KCNQ1: variants seen among roughly 807,000 people sequenced by gnomAD.
KCNQ1 encodes potassium voltage-gated channel subfamily KQT member 1.
Under a neutral mutation model 72.4 loss-of-function variants are expected in KCNQ1, and 49 were observed. The ratio of observed to expected loss-of-function variants is 0.68; its 90% confidence interval spans 0.54 to 0.86. The LOEUF (loss-of-function observed/expected upper bound fraction) is 0.86, where lower values mean the gene tolerates loss of function less well. Ranked by LOEUF, KCNQ1 falls within the 40% of genes least tolerant of loss-of-function variation. The pLI is 0.00. For missense variants in KCNQ1, 790 were observed against 945.1 expected, an observed-to-expected ratio of 0.84 and a Z score of 2.15; for synonymous variants, 450 against 412.6, an observed-to-expected ratio of 1.09 and a Z score of -1.10.
At position 2,626,288 on chromosome 11, in the gene KCNQ1, C is replaced by T. The variant is rs1849261193; in HGVS notation, c.1394-35673C>T. The T allele has an allele frequency of 2.5e-6, 1 of 398,362 alleles. No individual in the cohort carries two copies. 24.7% of individuals were successfully genotyped at this position (398,362 alleles called of 1,614,324 possible). A position where few individuals can be genotyped will look rare whatever the true frequency, so the allele number is the denominator to read the frequency against. ...ATACATGGTTAGGTAAGGATCTCAA[C>T]TTCATTCTCTTGAGTTAATTTTTGT... On this transcript the variant is annotated intron_variant, in intron 10 of 15. Transcript: ENST00000155840. This position sits in a 1 kb window ranked among gnomAD's most constrained non-coding sequence, Gnocchi z 4.0.
intron 2 of KCNQ1, among the ~76,000 whole-genome samples, chr11:2,569,881 C>T (rs996700057): frequency 6.6e-6 from 1 of 152,296 alleles, no homozygotes. Context: ...GATCCAGCTC[C>T]GAGGGTCTTC....
chr11:2,627,300 A>ATGTGTG lies in KCNQ1; in HGVS notation c.1394-34658_1394-34653dup, dbSNP rs1020232788. Reference sequence around the variant, plus strand: ...TTAACATATACCTTACATAGTTGCCATGTGTGTGCGTGTGTGTGGTCAGAA... The same window carrying ATGTGTG: ...TTAACATATACCTTACATAGTTGCCATGTGTGTGTGTGTGCGTGTGTGTGGTCAGAA... On this transcript the variant is annotated intron_variant, in intron 10 of 15. Coordinates refer to ENST00000155840, the MANE Select transcript of KCNQ1 (RefSeq NM_000218.3). This position sits in a 1 kb window ranked among gnomAD's most constrained non-coding sequence, Gnocchi z 4.9. 1 of 398,404 alleles carries ATGTGTG rather than the reference A, an allele frequency of 2.5e-6. No individual in the cohort carries two copies. The highest frequency in any genetic ancestry group is 4.4e-6 in the Non-Finnish European group (1 of 226,042). The allele number at this position is 398,404 out of a possible 1,614,324, so 24.7% of individuals were successfully genotyped here.
At chr11:2,625,430 TA>T (rs761872365) in intron 10 of KCNQ1, 8 of 398,522 alleles carry the variant, frequency 2.0e-5, no homozygotes, top group Non-Finnish European at 3.1e-5. Context: ...AGGCTGTGTT[TA>T]TTTTTTTAAT....
At chr11:2,553,230 A>G (rs1481302265) in intron 2 of KCNQ1, among the ~76,000 whole-genome samples, 1 of 151,308 alleles carries the variant, frequency 6.6e-6, no homozygotes, top group Non-Finnish European at 1.5e-5. Flanking sequence ...GTTGTCCACA[A>G]TTAAGTCAGT....
At position 2,847,983 on chromosome 11, in the gene KCNQ1, G is replaced by A. The variant is rs764563996; in HGVS notation, c.2011G>A (p.Gly671Ser). ...TYEQLTVPRR[G>S]PDEGS ...CGAGCAGCTGACCGTGCCCAGGAGG[G>A]GCCCCGATGAGGGGTCCTGAGGAGG... Residue 671 changes from glycine to serine, a missense_variant, in exon 16 of 16, where the codon GGC (glycine) becomes AGC (serine). Coordinates refer to ENST00000155840, the MANE Select transcript of KCNQ1 (RefSeq NM_000218.3). 6.5e-7 allele frequency: 1 copy of A among 1,549,794 alleles called. No homozygotes were observed. Among genetic ancestry groups the A allele is most frequent in the South Asian group, 1.2e-5 (1 of 83,742 alleles).
In KCNQ1 at chr11:2,784,263, C is replaced by T. The variant is rs777449110; in HGVS notation, c.1794+6226C>T. Among the ~76,000 whole-genome samples, 7 of 151,866 alleles carry T rather than the reference C, an allele frequency of 4.6e-5. No individual in the cohort carries two copies. The highest frequency in any genetic ancestry group is 1.5e-5 in the Non-Finnish European group (1 of 67,808). ...TGCCCCAGAACATTTGTTGAAAATA[C>T]CCCATTTCCTCCTTTGAATTATCAT... On this transcript the variant is annotated intron_variant, in intron 15 of 15. Coordinates refer to ENST00000155840, the MANE Select transcript of KCNQ1 (RefSeq NM_000218.3). The surrounding 1 kb of genome is among the most constrained non-coding windows in gnomAD (Gnocchi z 4.7).
chr11:2,729,998 G>A (rs1184751627), intron 11 of KCNQ1, among the ~76,000 whole-genome samples: 1 of 152,186 alleles, frequency 6.6e-6, no homozygotes, highest in East Asian at 1.9e-4. Context: ...GTGGGGATGG[G>A]CCCACAGGCT....
rs1025220936 is a variant in KCNQ1 at position 2,818,157 on chromosome 11, C to T, written c.1795-29610C>T. Among the ~76,000 whole-genome samples the T allele has an allele frequency of 3.9e-5, 6 of 152,176 alleles. No individual in the cohort carries two copies. The highest frequency in any genetic ancestry group is 2.1e-4 in the South Asian group (1 of 4,830). On this transcript the variant is annotated intron_variant, in intron 15 of 15. Coordinates refer to ENST00000155840, the MANE Select transcript of KCNQ1 (RefSeq NM_000218.3). The surrounding 1 kb of genome is among the most constrained non-coding windows in gnomAD (Gnocchi z 7.2). ...TGTCTGCTGGCCCTCAGAGTGGGAGCGCGTGCCCCAACTTCCGAGCCCTAG... is the reference window on the plus strand; with the variant it reads ...TGTCTGCTGGCCCTCAGAGTGGGAGTGCGTGCCCCAACTTCCGAGCCCTAG...
Position 2,621,119 on chromosome 11 carries a change from A to G in KCNQ1, c.1393+32265A>G. ...CAGACTCCTGAGTAGCTGGGATTAC[A>G]GGTGACCGCCACCATACCTGGCTAA... is the stretch of plus-strand genomic sequence containing the variant. On this transcript the variant is annotated intron_variant, in intron 10 of 15. Transcript: ENST00000155840. This position sits in a 1 kb window ranked among gnomAD's most constrained non-coding sequence, Gnocchi z 5.7. 1 of 397,174 alleles carries G rather than the reference A, an allele frequency of 2.5e-6. No homozygotes were observed. The highest frequency in any genetic ancestry group is 4.4e-6 in the Non-Finnish European group (1 of 225,736). The allele number at this position is 397,174 out of a possible 1,614,324, so 24.6% of individuals were successfully genotyped here.
chr11:2,473,826 G>A lies in KCNQ1; in HGVS notation c.386+28342G>A, dbSNP rs974230977. On this transcript the variant is annotated intron_variant, in intron 1 of 15. Transcript: ENST00000155840. The surrounding 1 kb of genome is among the most constrained non-coding windows in gnomAD (Gnocchi z 6.0). ...CGCTGGCCAGGGTGGCCATTGCTCAGTGGCACCAGCTGGGCAGACAGCCGC... is the reference window on the plus strand; with the variant it reads ...CGCTGGCCAGGGTGGCCATTGCTCAATGGCACCAGCTGGGCAGACAGCCGC... Among the ~76,000 whole-genome samples, 12 of 152,250 alleles carry A rather than the reference G, an allele frequency of 7.9e-5. No homozygotes were observed. The highest frequency in any genetic ancestry group is 1.2e-4 in the Non-Finnish European group (8 of 68,036).
chr11:2,456,955 A>AC lies in KCNQ1; in HGVS notation c.386+11471_386+11472insC, dbSNP rs1448377460. ...CTCGGTCTCAAAAAAAAAAAAAAAA[A>AC]AAAAAAAAAACCCAAAAAAACAAAA... On this transcript the variant is annotated intron_variant, in intron 1 of 15. Coordinates refer to ENST00000155840, the MANE Select transcript of KCNQ1 (RefSeq NM_000218.3). Among the ~76,000 whole-genome samples the AC allele has an allele frequency of 2.1e-3, 225 of 107,904 alleles. 21 individuals carry two copies. The highest frequency in any genetic ancestry group is 5.7e-3 in the African/African-American group (121 of 21,390). The allele number at this position is 107,904 out of a possible 152,430, so 70.8% of individuals were successfully genotyped here. A position where few individuals can be genotyped will look rare whatever the true frequency, so the allele number is the denominator to read the frequency against.
chr11:2,556,927 T>C (rs1848081292), intron 2 of KCNQ1, among the ~76,000 whole-genome samples: 2 of 152,274 alleles, frequency 1.3e-5, no homozygotes, highest in South Asian at 2.1e-4. Flanking sequence ...CAGAGTCAAA[T>C]AGCAAATATA....
At chr11:2,758,747 A>G (rs1233180140) in intron 11 of KCNQ1, among the ~76,000 whole-genome samples, 1 of 152,212 alleles carries the variant, frequency 6.6e-6, no homozygotes, top group African/African-American at 2.4e-5. Context: ...TATCGGTACA[A>G]CCTAAGCGGA....
chr11:2,698,338 T>TA lies in KCNQ1; in HGVS notation c.1514+36258dup, dbSNP rs1590039270. ...GAACAGTGCTGTGGGAAGGCACTCTTACTCTCAATTTTATATAAAAGGCTA... is the reference window on the plus strand; with the variant it reads ...GAACAGTGCTGTGGGAAGGCACTCTTAACTCTCAATTTTATATAAAAGGCTA... On this transcript the variant is annotated intron_variant, in intron 11 of 15. Transcript: ENST00000155840. The surrounding 1 kb of genome is among the most constrained non-coding windows in gnomAD (Gnocchi z 5.1). 3 of 398,622 alleles carry TA rather than the reference T, an allele frequency of 7.5e-6. No individual in the cohort carries two copies. In the East Asian group the frequency reaches 1.1e-4, roughly 14 times the overall value. The allele number at this position is 398,622 out of a possible 1,614,324, so 24.7% of individuals were successfully genotyped here.
chr11:2,620,323 TCTCCTGCCTCAGCCTC>T lies in KCNQ1; in HGVS notation c.1393+31472_1393+31487del, dbSNP rs1849148211. On this transcript the variant is annotated intron_variant, in intron 10 of 15. Transcript: ENST00000155840. The surrounding 1 kb of genome is among the most constrained non-coding windows in gnomAD (Gnocchi z 4.5). ...CCTCCGCCTACCGGGTTCAAGTGAT[TCTCCTGCCTCAGCCTC>T]CTGAGTAGCTGGGATTAGAGGCATG... is the stretch of plus-strand genomic sequence containing the variant. 2.0e-5 allele frequency: 4 copies of T among 203,200 alleles called. No individual in the cohort carries two copies. In the Admixed American group the frequency reaches 2.4e-4, roughly 12 times the overall value. The allele number at this position is 203,200 out of a possible 1,614,324, so 12.6% of individuals were successfully genotyped here. A position where few individuals can be genotyped will look rare whatever the true frequency, so the allele number is the denominator to read the frequency against.
In KCNQ1 at chr11:2,824,792, C is replaced by T. The variant is rs1484574529; in HGVS notation, c.1795-22975C>T. ...GGAACGTCCCCTGGGTTCCACACCA[C>T]AGAGCCATAGAATTCTGTACTTGGC... On this transcript the variant is annotated intron_variant, in intron 15 of 15. Transcript: ENST00000155840. This position sits in a 1 kb window ranked among gnomAD's most constrained non-coding sequence, Gnocchi z 5.9. Among the ~76,000 whole-genome samples, 5 of 152,150 alleles carry T rather than the reference C, an allele frequency of 3.3e-5. No homozygotes were observed. Among genetic ancestry groups the T allele is most frequent in the African/African-American group, 1.2e-4 (5 of 41,440 alleles).
intron 15 of KCNQ1, among the ~76,000 whole-genome samples, chr11:2,795,152 C>T (rs1050839206): frequency 2.6e-5 from 4 of 152,248 alleles, no homozygotes; most frequent in Non-Finnish European, 2.9e-5. Context: ...CTTGACCTTC[C>T]GCTGCGTCAG....
In KCNQ1 at chr11:2,687,005, G is replaced by T; in HGVS notation, c.1514+24924G>T. 1 of 398,648 alleles carries T rather than the reference G, an allele frequency of 2.5e-6. No individual in the cohort carries two copies. Among genetic ancestry groups the T allele is most frequent in the Non-Finnish European group, 4.4e-6 (1 of 226,072 alleles). The allele number at this position is 398,648 out of a possible 1,614,324, so 24.7% of individuals were successfully genotyped here. ...ACACTGGGCCCTGACTTGCTAAGAT[G>T]GGAGCAAGAGCTTAGGGCTAAAACT... is the stretch of plus-strand genomic sequence containing the variant. On this transcript the variant is annotated intron_variant, in intron 11 of 15. Coordinates refer to ENST00000155840, the MANE Select transcript of KCNQ1 (RefSeq NM_000218.3). The surrounding 1 kb of genome is among the most constrained non-coding windows in gnomAD (Gnocchi z 5.0).
At chr11:2,461,976 C>T (rs994731299) in intron 1 of KCNQ1, 52 of 365,608 alleles carry the variant, frequency 1.4e-4, no homozygotes, top group Non-Finnish European at 2.6e-4. Flanking sequence ...GAGGGCCTCT[C>T]GGTGAGTGTG....
Sources: gnomAD v4.1 joint callset for allele counts (sites outside exome capture counted in the v4.1 genomes callset) on GRCh38, gnomAD v4.1.1 for gene constraint, Gnocchi (gnomAD v3.1) non-coding constraint, MANE v1.5 for transcripts, NCBI Gene and HGNC (gene_info 2026-07-23, HGNC 2026-07-21) for gene names.